Variants in SPACA1 observed in about 807,000 individuals in gnomAD.
SPACA1 encodes sperm acrosome membrane-associated protein 1.
A neutral mutation model predicts 32.6 loss-of-function variants in SPACA1; 17 were observed. That is an observed-to-expected ratio of 0.52 (90% CI 0.36 to 0.78). The LOEUF (loss-of-function observed/expected upper bound fraction) is 0.78. SPACA1 is among the 30% of genes least tolerant of loss of function. SPACA1 has a pLI of 0.01. For synonymous variants in SPACA1, 140 were observed against 138.1 expected, an observed-to-expected ratio of 1.01 and a Z score of -0.10; for missense variants, 363 against 373.4, an observed-to-expected ratio of 0.97 and a Z score of 0.23.
intron 1 of SPACA1, among the ~76,000 whole-genome samples, chr6:88,048,621 G>C (rs552680585): frequency 7.2e-5 from 11 of 152,276 alleles, no homozygotes; most frequent in Admixed American, 5.9e-4. Context: ...GCAGCTCCTA[G>C]CCTTGAGCAC....
chr6:88,049,570 G>A (rs773692817), intron 1 of SPACA1, among the ~76,000 whole-genome samples: 7 of 152,172 alleles, frequency 4.6e-5, no homozygotes, highest in Non-Finnish European at 8.8e-5. Context: ...TTAACCCTCA[G>A]TGGATCAGTA....
intron 2 of SPACA1, among the ~76,000 whole-genome samples, chr6:88,057,055 C>T (rs531594625): frequency 6.6e-6 from 1 of 152,082 alleles, no homozygotes; most frequent in Non-Finnish European, 1.5e-5. Context: ...CCAAAAAGTT[C>T]CATGGTCAAA....
Position 88,061,533 on chromosome 6 carries a change from A to T in SPACA1, c.610+1945A>T, listed in dbSNP as rs547810056. On this transcript the variant is annotated intron_variant, in intron 5 of 6. Coordinates refer to ENST00000237201, the MANE Select transcript of SPACA1 (RefSeq NM_030960.3). ...AAACAGACATAGGGAGAAGACAGCC[A>T]TGTGAAAATGGAGACAAAAATTGGA... 2.6e-5 allele frequency among the ~76,000 whole-genome samples: 4 copies of T among 152,232 alleles called. No homozygotes were observed. The East Asian group carries it at 7.7e-4, about 29-fold the overall frequency.
chr6:88,064,273 C>G (rs546786271), intron 6 of SPACA1, 54 bp downstream of exon 6: 2 of 1,554,148 alleles, frequency 1.3e-6, no homozygotes, highest in Admixed American at 3.6e-5. Context: ...TCTTCTTCCC[C>G]CTCCTCATCC....
chr6:88,064,908 G>T (rs1775955048), intron 6 of SPACA1, among the ~76,000 whole-genome samples: 1 of 146,116 alleles, frequency 6.8e-6, no homozygotes, highest in South Asian at 2.1e-4. Context: ...ATAATATATG[G>T]GTTATATAAT....
intron 3 of SPACA1, among the ~76,000 whole-genome samples, chr6:88,058,169 T>C (rs1196490892): frequency 1.3e-5 from 2 of 152,212 alleles, no homozygotes; most frequent in Non-Finnish European, 2.9e-5. Flanking sequence ...TAGTTTAGTC[T>C]AACAGATCAG....
chr6:88,063,275 A>C (rs1775924004), intron 5 of SPACA1, among the ~76,000 whole-genome samples: 1 of 152,236 alleles, frequency 6.6e-6, no homozygotes, highest in South Asian at 2.1e-4. Context: ...TGTTCATGGC[A>C]GCTTTATTTA....
Position 88,058,785 on chromosome 6 carries a change from G to T in SPACA1, c.437G>T (p.Arg146Leu). 1 of 1,613,326 alleles carries T rather than the reference G, an allele frequency of 6.2e-7. No homozygotes were observed. The highest frequency in any genetic ancestry group is 1.1e-5 in the South Asian group (1 of 91,006). Reference protein sequence around the residue: ...LACIHTSPLNRFKYMWKLLRQ... With the variant: ...LACIHTSPLNLFKYMWKLLRQ... ...TGTATTCACACATCTCCCTTAAATC[G>T]TTTCAAATATATGTGGAAACTTCTA... The change falls in exon 4 of 7, where the codon CGT becomes CTT. Residue 146 changes from arginine (R) to leucine (L), a missense_variant. Physicochemically the swap from Arg to Leu is moderately radical, Grantham distance 102. Transcript: ENST00000237201.
At chr6:88,047,527 G>A (rs1346898939), upstream of SPACA1, among the ~76,000 whole-genome samples, 1 of 152,212 alleles carries the variant, frequency 6.6e-6, no homozygotes, top group South Asian at 2.1e-4. Flanking sequence ...GGCAGGGTGA[G>A]CGAGGAGGCT....
upstream of SPACA1, among the ~76,000 whole-genome samples, chr6:88,047,567 G>A (rs1316605312): frequency 1.3e-5 from 2 of 152,342 alleles, no homozygotes; most frequent in South Asian, 2.1e-4. Context: ...TGAGGCAGAA[G>A]GAGCAGCCGA....
At chr6:88,065,135 T>C (rs1343133500) in intron 6 of SPACA1, among the ~76,000 whole-genome samples, 8 of 148,710 alleles carry the variant, frequency 5.4e-5, no homozygotes, top group African/African-American at 2.0e-4. Flanking sequence ...TGTATATTTC[T>C]ACCATGTATA....
chr6:88,057,914 C>T (rs192582691), intron 3 of SPACA1, among the ~76,000 whole-genome samples: 16 of 152,316 alleles, frequency 1.1e-4, no homozygotes, highest in Non-Finnish European at 2.2e-4. Context: ...TTTTCAGAGA[C>T]ATCTAAAATT....
At chr6:88,055,468 C>T (rs991662334) in intron 2 of SPACA1, among the ~76,000 whole-genome samples, 3 of 151,928 alleles carry the variant, frequency 2.0e-5, no homozygotes, top group Admixed American at 6.6e-5. Context: ...TATTTCATGC[C>T]GAAAATGTTA....
At chr6:88,057,560 T>C in intron 2 of SPACA1, 52 bp from the exon 3 acceptor site, 1 of 1,280,040 alleles carries the variant, frequency 7.8e-7, no homozygotes, top group African/African-American at 1.5e-5. Flanking sequence ...GTGAAGACAC[T>C]CTGGAATCAG....
chr6:88,048,559 A>C (rs1775680837), intron 1 of SPACA1, among the ~76,000 whole-genome samples: 1 of 152,100 alleles, frequency 6.6e-6, no homozygotes, highest in African/African-American at 2.4e-5. Flanking sequence ...CGATACACCC[A>C]GATAGACCAG....
At chr6:88,066,047 C>G (rs971238046) in intron 6 of SPACA1, 135 bp from the exon 7 acceptor site, 1 of 569,228 alleles carries the variant, frequency 1.8e-6, no homozygotes, top group African/African-American at 1.9e-5. Flanking sequence ...TATATTTGTA[C>G]CATATATAAT....
chr6:88,066,194 G>T lies in SPACA1; in HGVS notation c.744G>T (p.Lys248Asn), dbSNP rs1482627574. The change falls in exon 7 of 7, where the codon AAG (lysine) becomes AAT (asparagine). Residue 248 changes from lysine (K) to asparagine (N), a missense_variant. Coordinates refer to ENST00000237201, the MANE Select transcript of SPACA1 (RefSeq NM_030960.3). ...IFIIINWAAV[K>N]AFWGAKASTP... ...TTTTTTCTTCCAGGGCAGCAGTCAA[G>T]GCTTTCTGGGGGGCAAAAGCCTCTA... 7 of 1,584,708 alleles carry T rather than the reference G, an allele frequency of 4.4e-6. No individual in the cohort carries two copies. The highest frequency in any genetic ancestry group is 6.0e-6 in the Non-Finnish European group (7 of 1,164,282).
chr6:88,052,217 A>G (rs954651533), intron 1 of SPACA1, among the ~76,000 whole-genome samples: 1 of 152,212 alleles, frequency 6.6e-6, no homozygotes, highest in Admixed American at 6.5e-5. Context: ...TTTCTTATTT[A>G]GTCTCATTTT....
intron 3 of SPACA1, 112 bp from the exon 4 acceptor site, chr6:88,058,604 A>G (rs1205235469): frequency 1.4e-6 from 1 of 691,166 alleles, no homozygotes; most frequent in Non-Finnish European, 2.5e-6. Context: ...ATGCCACTCT[A>G]CTCCAGCCTG....
Sources: allele counts gnomAD v4.1 joint callset (sites outside exome capture counted in the v4.1 genomes callset), GRCh38; gene constraint gnomAD v4.1.1; transcripts MANE v1.5; gene names NCBI Gene and HGNC (gene_info 2026-07-23, HGNC 2026-07-21).